Variants in NDUFV2 observed in about 807,000 individuals in gnomAD.
NDUFV2 encodes NADH:ubiquinone oxidoreductase core subunit V2.
Under a neutral mutation model 31.6 loss-of-function variants are expected in NDUFV2, and 18 were observed. The observed-to-expected ratio is 0.57, with a 90% confidence interval of 0.39 to 0.84. The LOEUF is 0.84. Ranked by LOEUF, NDUFV2 falls within the 40% of genes least tolerant of loss-of-function variation. The probability of loss-of-function intolerance (pLI) is 0.00; values close to 1 mark genes in which losing one functional copy is unlikely to be tolerated. For synonymous variants in NDUFV2, 83 were observed against 99.8 expected, an observed-to-expected ratio of 0.83 and a Z score of 1.01; for missense variants, 314 against 303.6, an observed-to-expected ratio of 1.03 and a Z score of -0.26.
intron 4 of NDUFV2, among the ~76,000 whole-genome samples, chr18:9,121,952 AAT>A (rs1295110051): frequency 6.6e-6 from 1 of 152,238 alleles, no homozygotes; most frequent in Non-Finnish European, 1.5e-5. Flanking sequence ...TGTGTATGAT[AAT>A]ATGTGTATAC....
chr18:9,103,836 A>T (rs1465622276), intron 1 of NDUFV2: 1 of 245,660 alleles, frequency 4.1e-6, no homozygotes, highest in Non-Finnish European at 7.9e-6. Context: ...TCTAGTTAAC[A>T]GTGTGGATAA....
At chr18:9,129,689 AAG>A in intron 7 of NDUFV2, among the ~76,000 whole-genome samples, 1 of 152,188 alleles carries the variant, frequency 6.6e-6, no homozygotes, top group Admixed American at 6.5e-5. Context: ...AGGGAGGGGA[AAG>A]AGGATGTATC....
intron 5 of NDUFV2, among the ~76,000 whole-genome samples, chr18:9,124,194 G>GT (rs754313896): frequency 0.013 from 1,792 of 133,516 alleles, 16 homozygotes; most frequent in South Asian, 0.024. Flanking sequence ...TTTTTTTTTT[G>GT]TTTTTTTTTT....
rs558432062 is a variant in NDUFV2 at position 9,119,685 on chromosome 18, G to A, written c.300+95G>A. The A allele has an allele frequency of 2.5e-5, 27 of 1,083,002 alleles. No homozygotes were observed. The African/African-American group carries it at 3.6e-4, about 14-fold the overall frequency. The allele number at this position is 1,083,002 out of a possible 1,614,324, so 67.1% of individuals were successfully genotyped here. On this transcript the variant is annotated intron_variant, in intron 4 of 7. Coordinates refer to ENST00000318388, the MANE Select transcript of NDUFV2 (RefSeq NM_021074.5). ...ATTACTCTGATCATCTCCAGTGTCAGAATCTAGGATTTTGGAGCCCTTTAG... is the reference window on the plus strand; with the variant it reads ...ATTACTCTGATCATCTCCAGTGTCAAAATCTAGGATTTTGGAGCCCTTTAG...
intron 7 of NDUFV2, among the ~76,000 whole-genome samples, chr18:9,130,406 A>C (rs985956853): frequency 3.3e-5 from 5 of 152,332 alleles, no homozygotes; most frequent in African/African-American, 1.2e-4. Flanking sequence ...AAATACTTCA[A>C]AATTATTCGT....
intron 1 of NDUFV2, among the ~76,000 whole-genome samples, chr18:9,106,470 C>T (rs1339266090): frequency 1.3e-5 from 2 of 152,152 alleles, no homozygotes; most frequent in Non-Finnish European, 2.9e-5. Context: ...TAGAAGTATG[C>T]CATCTTGTGT....
At chr18:9,103,552 A>G (rs1329454928) in intron 1 of NDUFV2, 2 of 161,704 alleles carry the variant, frequency 1.2e-5, no homozygotes, top group Non-Finnish European at 2.7e-5. Flanking sequence ...TAATACTGGA[A>G]AGAAGCCTTA....
At chr18:9,130,420 C>T (rs911387208) in intron 7 of NDUFV2, among the ~76,000 whole-genome samples, 2 of 152,010 alleles carry the variant, frequency 1.3e-5, no homozygotes, top group Non-Finnish European at 2.9e-5. Context: ...TATTCGTGTC[C>T]GAATCTCTTT....
At chr18:9,124,194 GT>G (rs754313896) in intron 5 of NDUFV2, among the ~76,000 whole-genome samples, 133 of 133,568 alleles carry the variant, frequency 1.0e-3, no homozygotes, top group African/African-American at 2.3e-3. Context: ...TTTTTTTTTT[GT>G]TTTTTTTTTT....
rs1222268663 is a variant in NDUFV2, at chr18:9,119,551, A to C, written c.261A>C (p.Gln87His). The C allele has an allele frequency of 6.2e-6, 10 of 1,613,746 alleles. No homozygotes were observed. In the Admixed American group the frequency reaches 1.5e-4, roughly 24 times the overall value. ...TTCTTCCAGTCCTGGATTTAGCCCAAAGGCAGAATGGGTGGTTGCCCATCT... is the reference window on the plus strand; with the variant it reads ...TTCTTCCAGTCCTGGATTTAGCCCACAGGCAGAATGGGTGGTTGCCCATCT... ...AAVLPVLDLA[Q>H]RQNGWLPISA... Residue 87 changes from glutamine to histidine, a missense_variant, in exon 4 of 8, where the codon CAA becomes CAC. Physicochemically the swap from Gln to His is conservative, Grantham distance 24 (BLOSUM62 0). Coordinates refer to ENST00000318388, the MANE Select transcript of NDUFV2 (RefSeq NM_021074.5).
chr18:9,125,982 G>A (rs2077987234), intron 6 of NDUFV2, among the ~76,000 whole-genome samples: 1 of 152,136 alleles, frequency 6.6e-6, no homozygotes, highest in African/African-American at 2.4e-5. Context: ...GGGGCTGGCT[G>A]GGTCCCTTGC....
intron 1 of NDUFV2, among the ~76,000 whole-genome samples, chr18:9,114,358 T>G (rs1231121129): frequency 6.6e-6 from 1 of 152,044 alleles, no homozygotes; most frequent in Admixed American, 6.6e-5. Context: ...GGCAGTATGT[T>G]GTGTTTGACA....
chr18:9,118,435 T>A (rs1012864468), intron 2 of NDUFV2, among the ~76,000 whole-genome samples: 1 of 152,158 alleles, frequency 6.6e-6, no homozygotes, highest in Non-Finnish European at 1.5e-5. Context: ...ATTAATCTAG[T>A]ATAAAGGCAA....
rs2077977696 is a variant in NDUFV2, at chr18:9,125,085, C to G, written c.579+102C>G. 4 of 1,230,812 alleles carry G rather than the reference C, an allele frequency of 3.2e-6. No homozygotes were observed. The South Asian group carries it at 4.5e-5, about 14-fold the overall frequency. 76.2% of individuals were successfully genotyped at this position (1,230,812 alleles called of 1,614,324 possible). A position where few individuals can be genotyped will look rare whatever the true frequency, so the allele number is the denominator to read the frequency against. On this transcript the variant is annotated intron_variant, in intron 6 of 7. Transcript: ENST00000318388. The stretch of plus-strand genomic sequence containing the variant: ...CTTAGATGTTGGTTTCTGAATTACT[C>G]ATTTAGAAGAAATGGTTACCATAAA...
chr18:9,129,525 TAAA>T (rs2078022287), intron 7 of NDUFV2, among the ~76,000 whole-genome samples: 1 of 152,130 alleles, frequency 6.6e-6, no homozygotes, highest in Admixed American at 6.5e-5. Context: ...ATGTGAGTGA[TAAA>T]AAGGCTACAC....
chr18:9,104,479 G>T (rs778930065), intron 1 of NDUFV2, among the ~76,000 whole-genome samples: 1 of 152,196 alleles, frequency 6.6e-6, no homozygotes, highest in African/African-American at 2.4e-5. Flanking sequence ...GGTGAAAGAT[G>T]ATGAGGATCA....
chr18:9,122,399 C>T, intron 4 of NDUFV2, 114 bp from the exon 5 acceptor site: 3 of 986,524 alleles, frequency 3.0e-6, no homozygotes, highest in Non-Finnish European at 4.6e-6. Flanking sequence ...TCTTGAAGAA[C>T]TTTTCTGTTT....
chr18:9,132,220 T>TA (rs1466680450), intron 7 of NDUFV2: 2 of 152,278 alleles, frequency 1.3e-5, no homozygotes, highest in South Asian at 2.1e-4. Context: ...AGGAAGTACT[T>TA]ACGATTAATT....
In NDUFV2 at chr18:9,111,513, CTG is replaced by C. The variant is rs1323638513; in HGVS notation, c.55-6324_55-6323del. Among the ~76,000 whole-genome samples the C allele has an allele frequency of 3.8e-3, 579 of 151,610 alleles. 6 individuals are homozygous for C. Among genetic ancestry groups the C allele is most frequent in the African/African-American group, 0.013 (546 of 41,048 alleles). ...GCACGAGCTGGGCTCACTGCAACCT[CTG>C]CATCCTGAGTTCAAGCGATTCTCCT... On this transcript the variant is annotated intron_variant, in intron 1 of 7. Coordinates refer to ENST00000318388, the MANE Select transcript of NDUFV2 (RefSeq NM_021074.5).
Sources: gnomAD v4.1 joint callset for allele counts (sites outside exome capture counted in the v4.1 genomes callset) on GRCh38, gnomAD v4.1.1 for gene constraint, MANE v1.5 for transcripts, NCBI Gene and HGNC (gene_info 2026-07-23, HGNC 2026-07-21) for gene names.